The following SH2D4A variants were observed in gnomAD, a reference collection of about 807,000 sequenced individuals.
SH2D4A encodes the protein SH2 domain containing 4A, also known as SH2 domain-containing protein 4A.
SH2D4A carries 70 observed loss-of-function variants against 64.7 expected under a neutral mutation model. The observed-to-expected ratio is 1.08, with a 90% CI of 0.89 to 1.32. The LOEUF is 1.32. Ranked by LOEUF, SH2D4A falls within the 40% of genes most tolerant of loss-of-function variation. The pLI is 0.00. For missense variants in SH2D4A, 706 were observed against 540.1 expected (o/e 1.31, Z -3.04); for synonymous variants, 268 against 200.7 (o/e 1.34, Z -2.83).
At chr8:19,325,586 C>A (rs952547201) in intron 2 of SH2D4A, among the ~76,000 whole-genome samples, 1 of 152,146 alleles carries the variant, frequency 6.6e-6, no homozygotes, top group African/African-American at 2.4e-5. Flanking sequence ...CTGTCAACTT[C>A]CTTGAGCCAT....
At chr8:19,363,821 T>C in intron 6 of SH2D4A, 1 of 520,556 alleles carries the variant, frequency 1.9e-6, no homozygotes, top group East Asian at 3.3e-5. Flanking sequence ...CTCTCATCCC[T>C]TCTTCCTCCT....
chr8:19,322,117 A>G (rs557402537), intron 2 of SH2D4A, among the ~76,000 whole-genome samples: 16 of 152,356 alleles, frequency 1.1e-4, no homozygotes, highest in Admixed American at 9.1e-4. Flanking sequence ...TTCTGACTAC[A>G]GAAAGGGAAA....
At chr8:19,363,323 G>A (rs532107683) in intron 6 of SH2D4A, among the ~76,000 whole-genome samples, 5 of 152,058 alleles carry the variant, frequency 3.3e-5, no homozygotes, top group South Asian at 2.1e-4. Flanking sequence ...GTGACCCACC[G>A]ACCTTGGCCT....
At chr8:19,316,797 G>A (rs554440886) in intron 1 of SH2D4A, among the ~76,000 whole-genome samples, 1 of 152,190 alleles carries the variant, frequency 6.6e-6, no homozygotes. Context: ...TGGACTGCCC[G>A]GCTCTGCCGC....
chr8:19,342,418 A>G (rs941282897), intron 4 of SH2D4A, among the ~76,000 whole-genome samples: 15 of 152,236 alleles, frequency 9.9e-5, no homozygotes, highest in African/African-American at 3.4e-4. Flanking sequence ...AAGGGAAGAA[A>G]GCTACACATG....
At chr8:19,388,536 A>G (rs764884191) in intron 8 of SH2D4A, among the ~76,000 whole-genome samples, 87 of 152,188 alleles carry the variant, frequency 5.7e-4, no homozygotes, top group Non-Finnish European at 1.3e-4. Context: ...TAATAACAAT[A>G]TATCTATGTA....
intron 7 of SH2D4A, 75 bp from the exon 8 acceptor site, chr8:19,373,455 T>TATATATATACACACACACACCC (rs1554485277): frequency 1.0e-6 from 1 of 961,850 alleles, no homozygotes; most frequent in African/African-American, 1.8e-5. Context: ...TATATATATA[T>TATATATATACACACACACACCC]ATATATATAT....
intron 2 of SH2D4A, among the ~76,000 whole-genome samples, chr8:19,324,804 A>G (rs932556673): frequency 3.1e-4 from 47 of 152,274 alleles, no homozygotes; most frequent in African/African-American, 1.1e-3. Flanking sequence ...CATTCTGTGT[A>G]TAATCTCACA....
rs140554850 is a variant in SH2D4A at position 19,352,976 on chromosome 8, C to T, written c.514-4227C>T. On this transcript the variant is annotated intron_variant, in intron 4 of 9. Transcript: ENST00000265807. ...AGTGAGCCCTGATCATGCCACCGCA[C>T]TTCAGCCTGGGAACAGAGCGAGACT... Among the ~76,000 whole-genome samples, 18 of 152,244 alleles carry T rather than the reference C, an allele frequency of 1.2e-4. No homozygotes were observed. In the East Asian group the frequency reaches 3.5e-3, roughly 29 times the overall value.
chr8:19,332,816 G>C (rs779797880), intron 2 of SH2D4A, 139 bp from the exon 3 acceptor site: 28 of 619,068 alleles, frequency 4.5e-5, no homozygotes, highest in Non-Finnish European at 6.6e-5. Flanking sequence ...ATGTTCCTGA[G>C]CAGTTGGAAG....
At chr8:19,325,621 A>C (rs147448409) in intron 2 of SH2D4A, among the ~76,000 whole-genome samples, 2 of 151,940 alleles carry the variant, frequency 1.3e-5, no homozygotes, top group East Asian at 3.9e-4. Context: ...TCCTCTCTCT[A>C]TTTTCTAGTT....
chr8:19,339,409 G>T (rs1450685461), intron 4 of SH2D4A, among the ~76,000 whole-genome samples: 1 of 151,378 alleles, frequency 6.6e-6, no homozygotes, highest in Non-Finnish European at 1.5e-5. Flanking sequence ...ACCATCACAG[G>T]TATTCAATAC....
In SH2D4A at chr8:19,394,702, C is replaced by G; in HGVS notation, c.*60C>G. 7.4e-7 allele frequency: 1 copy of G among 1,358,306 alleles called. No homozygotes were observed. The highest frequency in any genetic ancestry group is 1.4e-5 in the South Asian group (1 of 72,978). The allele number at this position is 1,358,306 out of a possible 1,614,324, so 84.1% of individuals were successfully genotyped here. A position where few individuals can be genotyped will look rare whatever the true frequency, so the allele number is the denominator to read the frequency against. ...CGGGCTTTCCCCTGGACAAATGCCACTGCAACATTTATGTGTGAAGCCAAA... is the reference window on the plus strand; with the variant it reads ...CGGGCTTTCCCCTGGACAAATGCCAGTGCAACATTTATGTGTGAAGCCAAA... On this transcript the variant is annotated 3_prime_UTR_variant, in exon 10 of 10. Transcript: ENST00000265807.
intron 5 of SH2D4A, among the ~76,000 whole-genome samples, chr8:19,359,548 A>G (rs2052845933): frequency 6.6e-6 from 1 of 152,252 alleles, no homozygotes; most frequent in Non-Finnish European, 1.5e-5. Flanking sequence ...AATTGCTAGC[A>G]GCACATGTAT....
intron 4 of SH2D4A, among the ~76,000 whole-genome samples, chr8:19,337,994 G>A (rs765785776): frequency 2.6e-5 from 4 of 152,166 alleles, no homozygotes; most frequent in Admixed American, 6.5e-5. Context: ...CCGGAAGCTG[G>A]AAGAGGGGGC....
At chr8:19,346,645 G>C (rs757362069) in intron 4 of SH2D4A, among the ~76,000 whole-genome samples, 8 of 152,184 alleles carry the variant, frequency 5.3e-5, no homozygotes, top group Non-Finnish European at 1.0e-4. Context: ...ATCAGTCGCC[G>C]ATGCCAAAAA....
chr8:19,348,432 G>A (rs1288745375), intron 4 of SH2D4A, among the ~76,000 whole-genome samples: 1 of 152,148 alleles, frequency 6.6e-6, no homozygotes, highest in Non-Finnish European at 1.5e-5. Flanking sequence ...CATGAGTAGA[G>A]AGCATTTAAG....
At chr8:19,384,947 A>G (rs114979220) in intron 8 of SH2D4A, among the ~76,000 whole-genome samples, 2,801 of 152,316 alleles carry the variant, frequency 0.018, 78 homozygotes, top group African/African-American at 0.063. Context: ...AAAAATTCAC[A>G]TATTTGCTTT....
intron 3 of SH2D4A, 70 bp downstream of exon 3, chr8:19,333,184 T>C: frequency 1.3e-6 from 2 of 1,502,208 alleles, no homozygotes; most frequent in Non-Finnish European, 1.8e-6. Flanking sequence ...CAAACACACC[T>C]CTTGCTCACA....
Sources: allele counts gnomAD v4.1 joint callset (sites outside exome capture counted in the v4.1 genomes callset), GRCh38; gene constraint gnomAD v4.1.1; transcripts MANE v1.5; gene names NCBI Gene and HGNC (gene_info 2026-07-23, HGNC 2026-07-21).